Variants in TMEM44 observed in about 807,000 individuals in gnomAD.
The protein encoded by TMEM44 is transmembrane protein 44.
A neutral mutation model predicts 47.8 loss-of-function variants in TMEM44; 43 were observed. The ratio of observed to expected loss-of-function variants is 0.90; its 90% CI spans 0.70 to 1.16. The LOEUF is 1.16. Among genes scored for constraint, TMEM44 ranks in the 50% most tolerant of loss-of-function variants. The pLI, the probability that TMEM44 is intolerant of heterozygous loss-of-function variation, is 0.00. For missense variants in TMEM44, 568 were observed against 555.2 expected (o/e 1.02, Z -0.23); for synonymous variants, 277 against 238.8 (o/e 1.16, Z -1.48).
At chr3:194,617,893 T>C (rs1428848585) in intron 5 of TMEM44, 4 of 607,868 alleles carry the variant, frequency 6.6e-6, no homozygotes, top group Non-Finnish European at 8.9e-6. Flanking sequence ...TGTTCAAAAA[T>C]GTGTGTGTGG....
In TMEM44 at chr3:194,625,913, T is replaced by C; in HGVS notation, c.342A>G (p.Lys114=). ...CACACTCACCTGAATTAGACTTGAA[T>C]TTGGATCCACAGACTGGGAAGAGAA... is the stretch of plus-strand genomic sequence containing the variant. ...MFILFPVCGS[K]FKSNSDREAR... Residue 114 remains lysine, a synonymous_variant, in exon 3 of 10, where the codon AAA becomes AAG. Coordinates refer to ENST00000347147, the MANE Select transcript of TMEM44 (RefSeq NM_001011655.3). 6.2e-7 allele frequency: 1 copy of C among 1,613,438 alleles called. No individual in the cohort carries two copies. Among genetic ancestry groups the C allele is most frequent in the Non-Finnish European group, 8.5e-7 (1 of 1,179,434 alleles).
At position 194,588,625 on chromosome 3, in the gene TMEM44, A is replaced by G. The variant is rs374534662; in HGVS notation, c.1191T>C (p.Asp397=). Residue 397 remains aspartate (D), a synonymous_variant, in exon 10 of 10, where the codon GAT becomes GAC. Coordinates refer to ENST00000347147, the MANE Select transcript of TMEM44 (RefSeq NM_001011655.3). ...TTTCTTTGCTGCCTTCGAGGTTCACATCTTCAGGGTCCCACTATGGAGAAA... is the reference window on the plus strand; with the variant it reads ...TTTCTTTGCTGCCTTCGAGGTTCACGTCTTCAGGGTCCCACTATGGAGAAA... ...INSDLEWDPE[D]VNLEGSKENV... is the part of the protein sequence containing the mutation. The G allele has an allele frequency of 1.2e-6, 2 of 1,614,032 alleles. No homozygotes were observed. The highest frequency in any genetic ancestry group is 2.7e-5 in the African/African-American group (2 of 74,904).
rs765521550 is a variant in TMEM44, at chr3:194,607,469, G to A, written c.1018-3024C>T. Among the ~76,000 whole-genome samples the A allele has an allele frequency of 1.5e-4, 23 of 151,902 alleles. 1 individual carries two copies. Among genetic ancestry groups the A allele is most frequent in the Admixed American group, 4.6e-4 (7 of 15,242 alleles). On this transcript the variant is annotated intron_variant, in intron 8 of 9. Transcript: ENST00000347147. ...AGTATTATTTTATTAATAATAAATC[G>A]CCATTTATCAAGTGTTTACTTGGTG...
intron 7 of TMEM44, 66 bp downstream of exon 7, chr3:194,615,502 GT>G: frequency 6.3e-7 from 1 of 1,579,976 alleles, no homozygotes; most frequent in Non-Finnish European, 8.6e-7. Context: ...GTATCCTGCT[GT>G]TTCTCAAGAT....
intron 8 of TMEM44, 51 bp downstream of exon 8, chr3:194,610,865 T>A (rs750978493): frequency 6.6e-7 from 1 of 1,516,916 alleles, no homozygotes; most frequent in South Asian, 1.1e-5. Flanking sequence ...AAGCCTTCCA[T>A]GACTGCTTCC....
At chr3:194,624,744 C>G (rs1716955578) in intron 3 of TMEM44, among the ~76,000 whole-genome samples, 1 of 146,374 alleles carries the variant, frequency 6.8e-6, no homozygotes, top group Non-Finnish European at 1.5e-5. Context: ...TTTTTTGAGA[C>G]AGAGTTTTGC....
intron 9 of TMEM44, among the ~76,000 whole-genome samples, chr3:194,591,108 C>T (rs557869994): frequency 2.6e-5 from 4 of 152,128 alleles, no homozygotes; most frequent in East Asian, 1.9e-4. Flanking sequence ...ACAAGAGAAT[C>T]GCTTGAACCT....
chr3:194,625,433 G>GT (rs1394117534), intron 3 of TMEM44, among the ~76,000 whole-genome samples: 1 of 100,732 alleles, frequency 9.9e-6, no homozygotes, highest in Non-Finnish European at 1.9e-5. Flanking sequence ...TCTTTTTTGG[G>GT]GGGGGGGGGT....
chr3:194,624,737 T>C (rs2108599258), intron 3 of TMEM44, among the ~76,000 whole-genome samples: 1 of 151,506 alleles, frequency 6.6e-6, no homozygotes, highest in African/African-American at 2.4e-5. Flanking sequence ...CCTTTTTTTT[T>C]TTGAGACAGA....
intron 8 of TMEM44, among the ~76,000 whole-genome samples, chr3:194,608,770 T>C (rs919072546): frequency 4.6e-5 from 7 of 152,162 alleles, no homozygotes; most frequent in East Asian, 3.9e-4. Context: ...CTCGAACTCC[T>C]GGCCTCAAGC....
intron 2 of TMEM44, among the ~76,000 whole-genome samples, chr3:194,626,519 C>T (rs917940716): frequency 3.2e-4 from 48 of 152,204 alleles, no homozygotes; most frequent in Middle Eastern, 3.4e-3. Context: ...GTTTGAATCG[C>T]GGAATCTTGG....
At chr3:194,628,993 G>A (rs938899427) in intron 1 of TMEM44, among the ~76,000 whole-genome samples, 7 of 152,010 alleles carry the variant, frequency 4.6e-5, no homozygotes, top group Non-Finnish European at 8.8e-5. Flanking sequence ...GTGAAACCCC[G>A]CCCCTACTAA....
intron 9 of TMEM44, chr3:194,593,164 C>T: frequency 3.7e-6 from 5 of 1,360,174 alleles, no homozygotes; most frequent in Non-Finnish European, 5.2e-6. Context: ...CTCCTGTCTG[C>T]TCAGTGAGCC....
chr3:194,627,443 A>AGGTT (rs1230801135), intron 2 of TMEM44, among the ~76,000 whole-genome samples: 2 of 51,192 alleles, frequency 3.9e-5, no homozygotes, highest in East Asian at 6.8e-3. Flanking sequence ...CCTTCCACAC[A>AGGTT]GGTTTGAGGG....
intron 9 of TMEM44, among the ~76,000 whole-genome samples, chr3:194,601,605 G>A (rs1435368631): frequency 1.3e-5 from 2 of 152,008 alleles, no homozygotes; most frequent in South Asian, 2.1e-4. Flanking sequence ...GCCTGGCCAT[G>A]CCAGGCTAAT....
chr3:194,620,209 T>TGAACCCAG (rs1716369987), intron 5 of TMEM44, among the ~76,000 whole-genome samples: 1 of 147,982 alleles, frequency 6.8e-6, no homozygotes, highest in African/African-American at 2.5e-5. Context: ...AAGAATCGCT[T>TGAACCCAG]GAACCCAGGA....
intron 5 of TMEM44, among the ~76,000 whole-genome samples, chr3:194,620,207 C>T (rs914395024): frequency 2.7e-5 from 4 of 148,524 alleles, no homozygotes; most frequent in African/African-American, 1.0e-4. Flanking sequence ...AGAAGAATCG[C>T]TTGAACCCAG....
intron 5 of TMEM44, among the ~76,000 whole-genome samples, chr3:194,621,764 T>C (rs1362333576): frequency 1.3e-5 from 2 of 151,788 alleles, no homozygotes; most frequent in African/African-American, 2.4e-5. Flanking sequence ...TCACCTAGGA[T>C]GGAGTGCAGC....
Position 194,633,315 on chromosome 3 carries a change from G to T in TMEM44, c.-100C>A, listed in dbSNP as rs1411649903. On this transcript the variant is annotated 5_prime_UTR_variant, in exon 1 of 10. Coordinates refer to ENST00000347147, the MANE Select transcript of TMEM44 (RefSeq NM_001011655.3). ...CGCCGCCCCGCGTGCCCTTCTCTGG[G>T]TTCCGTTCCGCCGCGGCGCCTCCGG... 4.1e-6 allele frequency: 2 copies of T among 483,518 alleles called. No homozygotes were observed. The highest frequency in any genetic ancestry group is 8.5e-5 in the South Asian group (1 of 11,720). The allele number at this position is 483,518 out of a possible 1,614,324, so 30.0% of individuals were successfully genotyped here.
Sources: allele counts gnomAD v4.1 joint callset (sites outside exome capture counted in the v4.1 genomes callset), GRCh38; gene constraint gnomAD v4.1.1; transcripts MANE v1.5; gene names NCBI Gene and HGNC (gene_info 2026-07-23, HGNC 2026-07-21).